NELL1: variants seen among roughly 807,000 people sequenced by gnomAD.
NELL1 encodes the protein protein kinase C-binding protein NELL1.
A neutral mutation model predicts 107.4 loss-of-function variants in NELL1; 76 were observed. The ratio of observed to expected loss-of-function variants is 0.71; its 90% CI spans 0.59 to 0.86. The LOEUF (loss-of-function observed/expected upper bound fraction) is 0.86. NELL1 is among the 40% of genes least tolerant of loss of function. The pLI, the probability that NELL1 is intolerant of heterozygous loss-of-function variation, is 0.00. For synonymous variants in NELL1, 353 were observed against 341.2 expected (o/e 1.03, Z -0.38); for missense variants, 1,024 against 1,005.5 (o/e 1.02, Z -0.25).
At chr11:20,742,726 A>C (rs1855918369) in intron 2 of NELL1, among the ~76,000 whole-genome samples, 1 of 152,050 alleles carries the variant, frequency 6.6e-6, no homozygotes, top group African/African-American at 2.4e-5. Context: ...TGATTCAATG[A>C]CCTCCTACTG....
intron 12 of NELL1, among the ~76,000 whole-genome samples, chr11:20,976,510 G>C (rs1314917107): frequency 6.6e-6 from 1 of 152,024 alleles, no homozygotes; most frequent in Non-Finnish European, 1.5e-5. Context: ...ATTTCTTAAA[G>C]TTTATTCCAT....
At chr11:20,679,968 C>T (rs74858448) in intron 2 of NELL1, among the ~76,000 whole-genome samples, 5,400 of 152,216 alleles carry the variant, frequency 0.035, 332 homozygotes, top group African/African-American at 0.12. Flanking sequence ...CTAATCTGTG[C>T]ATTCTCTGTT....
chr11:21,538,173 C>T (rs2133975175), intron 16 of NELL1, among the ~76,000 whole-genome samples: 1 of 152,094 alleles, frequency 6.6e-6, no homozygotes, highest in Non-Finnish European at 1.5e-5. Context: ...TTTCTTCAGA[C>T]AATGGCATAT....
chr11:21,278,146 C>T (rs566474483), intron 14 of NELL1, among the ~76,000 whole-genome samples: 4 of 152,256 alleles, frequency 2.6e-5, no homozygotes, highest in African/African-American at 7.2e-5. Flanking sequence ...ACTTCCTCAA[C>T]TTGATAAAGA....
intron 15 of NELL1, among the ~76,000 whole-genome samples, chr11:21,452,906 G>C (rs528379399): frequency 6.6e-6 from 1 of 151,216 alleles, no homozygotes; most frequent in East Asian, 1.9e-4. Flanking sequence ...TTTACTTGTA[G>C]CTTTCTCTTT....
intron 3 of NELL1, among the ~76,000 whole-genome samples, chr11:20,836,895 C>A (rs1351625781): frequency 6.6e-6 from 1 of 152,044 alleles, no homozygotes; most frequent in Non-Finnish European, 1.5e-5. Flanking sequence ...TGACACTATG[C>A]ATATGTCAAA....
intron 12 of NELL1, among the ~76,000 whole-genome samples, chr11:21,096,062 T>C (rs1001858440): frequency 3.3e-5 from 5 of 152,044 alleles, no homozygotes; most frequent in Non-Finnish European, 5.9e-5. Flanking sequence ...CCCAACAGTC[T>C]CTCCCACAAC....
intron 14 of NELL1, among the ~76,000 whole-genome samples, chr11:21,334,045 T>C (rs539711445): frequency 1.3e-5 from 2 of 152,202 alleles, no homozygotes; most frequent in African/African-American, 4.8e-5. Context: ...ATTTATTAAT[T>C]TTTAAATTAA....
At chr11:21,495,884 TTAA>T (rs1410150187) in intron 15 of NELL1, among the ~76,000 whole-genome samples, 1 of 151,766 alleles carries the variant, frequency 6.6e-6, no homozygotes, top group Admixed American at 6.5e-5. Context: ...GCATACTATA[TTAA>T]TATTTTATTT....
At chr11:21,204,131 T>A (rs1857335747) in intron 13 of NELL1, among the ~76,000 whole-genome samples, 1 of 152,152 alleles carries the variant, frequency 6.6e-6, no homozygotes, top group Non-Finnish European at 1.5e-5. Flanking sequence ...GTGGTCTCTG[T>A]ATTTCCTGAA....
chr11:21,191,501 C>T (rs1384085092), intron 13 of NELL1, among the ~76,000 whole-genome samples: 1 of 151,838 alleles, frequency 6.6e-6, no homozygotes, highest in Non-Finnish European at 1.5e-5. Flanking sequence ...GGACTTCAGA[C>T]CTCCAAAAGT....
intron 14 of NELL1, among the ~76,000 whole-genome samples, chr11:21,341,148 AT>A (rs753230627): frequency 2.6e-5 from 4 of 152,266 alleles, no homozygotes; most frequent in Non-Finnish European, 5.9e-5. Context: ...GAAATATGAT[AT>A]GTCCTCTTCT....
chr11:21,013,777 T>G (rs1396945215), intron 12 of NELL1, among the ~76,000 whole-genome samples: 3 of 152,168 alleles, frequency 2.0e-5, no homozygotes, highest in African/African-American at 7.2e-5. Context: ...CAGATTTCCT[T>G]AGTTTTTGCC....
At chr11:21,430,809 C>T (rs1852946726) in intron 15 of NELL1, among the ~76,000 whole-genome samples, 1 of 152,136 alleles carries the variant, frequency 6.6e-6, no homozygotes, top group Non-Finnish European at 1.5e-5. Context: ...CCAACTGCAG[C>T]AATGTGTTCG....
chr11:20,861,096 A>G (rs1475346680), intron 4 of NELL1, among the ~76,000 whole-genome samples: 4 of 152,146 alleles, frequency 2.6e-5, no homozygotes, highest in African/African-American at 9.7e-5. Flanking sequence ...AGATCAATGG[A>G]TGTGTTTTTC....
intron 17 of NELL1, among the ~76,000 whole-genome samples, chr11:21,568,078 A>T (rs116563223): frequency 0.012 from 1,757 of 151,950 alleles, 28 homozygotes; most frequent in African/African-American, 0.04. Context: ...CACTGTATCA[A>T]CATCATAGAG....
chr11:21,267,527 C>G lies in NELL1; in HGVS notation c.1549+38073C>G, dbSNP rs557663002. 2.6e-5 allele frequency among the ~76,000 whole-genome samples: 4 copies of G among 152,130 alleles called. No individual in the cohort carries two copies. The South Asian group carries it at 8.3e-4, about 32-fold the overall frequency. On this transcript the variant is annotated intron_variant, in intron 14 of 19. Coordinates refer to ENST00000357134, the MANE Select transcript of NELL1 (RefSeq NM_006157.5). ...CTTTTGCGAGTATGATCTATAAAAA[C>G]AGTTTGGGAGTTCTTTGCTTTATTT...
chr11:20,699,161 T>C (rs533972378), intron 2 of NELL1, among the ~76,000 whole-genome samples: 2 of 151,372 alleles, frequency 1.3e-5, no homozygotes, highest in East Asian at 2.0e-4. Flanking sequence ...AGGTTGTAGA[T>C]AGTGGAGATC....
At chr11:20,793,309 G>T (rs1857110262) in intron 3 of NELL1, among the ~76,000 whole-genome samples, 1 of 151,750 alleles carries the variant, frequency 6.6e-6, no homozygotes, top group African/African-American at 2.4e-5. Context: ...GGACGTTATA[G>T]TCTCTTTTAC....
Sources: allele counts gnomAD v4.1 joint callset (sites outside exome capture counted in the v4.1 genomes callset), GRCh38; gene constraint gnomAD v4.1.1; transcripts MANE v1.5; gene names NCBI Gene and HGNC (gene_info 2026-07-23, HGNC 2026-07-21).